Variants in PARP4 observed in about 807,000 individuals in gnomAD.
PARP4 encodes the protein poly(ADP-ribose) polymerase family member 4.
A neutral mutation model predicts 187.7 loss-of-function variants in PARP4; 120 were observed. The ratio of observed to expected loss-of-function variants is 0.64; its 90% confidence interval spans 0.55 to 0.74. PARP4 has a LOEUF of 0.74. Ranked by LOEUF, PARP4 falls within the 30% of genes least tolerant of loss-of-function variation. The pLI, the probability that PARP4 is intolerant of heterozygous loss-of-function variation, is 0.00. For synonymous variants in PARP4, 654 were observed against 740.9 expected, an observed-to-expected ratio of 0.88 and a Z score of 1.90; for missense variants, 1,836 against 2,070.5, an observed-to-expected ratio of 0.89 and a Z score of 2.20.
chr13:24,490,892 C>A, intron 9 of PARP4, 64 bp from the exon 10 acceptor site: 1 of 1,336,172 alleles, frequency 7.5e-7, no homozygotes, highest in Non-Finnish European at 1.0e-6. Context: ...ATTTATATCA[C>A]ATTAACACTT....
intron 32 of PARP4, among the ~76,000 whole-genome samples, chr13:24,426,849 T>C (rs1593582354): frequency 8.1e-6 from 1 of 123,284 alleles, no homozygotes; most frequent in South Asian, 2.7e-4. Context: ...CCGAGATCAC[T>C]CCACTGCACT....
chr13:24,493,719 T>G lies in PARP4; in HGVS notation c.756A>C (p.Glu252Asp). 6.2e-7 allele frequency: 1 copy of G among 1,613,496 alleles called. No homozygotes were observed. Among genetic ancestry groups the G allele is most frequent in the South Asian group, 1.1e-5 (1 of 90,942 alleles). ...SEQLQALLLE[E>D]VMNSSTLSQE... ...GGCTCAGAGTGCTTGAATTCATGAC[T>G]TCCTCCAAAAGCAACTACAATAATA... Residue 252 changes from glutamate to aspartate, a missense_variant, in exon 8 of 34, where the codon GAA (glutamate) becomes GAC (aspartate). Glu to Asp is a conservative substitution (Grantham distance 45). Coordinates refer to ENST00000381989, the MANE Select transcript of PARP4 (RefSeq NM_006437.4).
chr13:24,428,278 C>T (rs1334901119), intron 32 of PARP4, among the ~76,000 whole-genome samples: 4 of 152,168 alleles, frequency 2.6e-5, no homozygotes, highest in African/African-American at 9.7e-5. Flanking sequence ...TCAGGCCGCT[C>T]CTTCTCAGCG....
chr13:24,496,565 G>A (rs9581076), intron 6 of PARP4, among the ~76,000 whole-genome samples: 16,653 of 152,160 alleles, frequency 0.11, 982 homozygotes, highest in African/African-American at 0.12. Context: ...GGCTCTTGTG[G>A]GGTAGGGCTT....
chr13:24,489,437 G>A (rs200170282), intron 10 of PARP4, among the ~76,000 whole-genome samples: 6 of 151,922 alleles, frequency 3.9e-5, no homozygotes, highest in Admixed American at 2.0e-4. Flanking sequence ...GTGAAACCCC[G>A]TCTCTACTAA....
intron 1 of PARP4, among the ~76,000 whole-genome samples, chr13:24,505,977 T>A (rs1251339534): frequency 6.6e-6 from 1 of 152,180 alleles, no homozygotes; most frequent in African/African-American, 2.4e-5. Context: ...CTCCGCCATT[T>A]CCCCTTTGCC....
intron 6 of PARP4, among the ~76,000 whole-genome samples, chr13:24,495,386 G>A (rs1483934425): frequency 6.6e-6 from 1 of 152,144 alleles, no homozygotes; most frequent in Non-Finnish European, 1.5e-5. Context: ...AATCTGGAGG[G>A]GAAGGGGAAG....
At position 24,498,247 on chromosome 13, in the gene PARP4, C is replaced by T. The variant is rs2137539462; in HGVS notation, c.478-18G>A. On this transcript the variant is annotated intron_variant, in intron 5 of 33. Coordinates refer to ENST00000381989, the MANE Select transcript of PARP4 (RefSeq NM_006437.4). The stretch of plus-strand genomic sequence containing the variant: ...ATTCCCACCTGGAAAACAGGATGTG[C>T]TTTCAGAAGCTGCACTCGGGAAACA... 2 of 1,529,120 alleles carry T rather than the reference C, an allele frequency of 1.3e-6. No individual in the cohort carries two copies. The highest frequency in any genetic ancestry group is 1.1e-5 in the South Asian group (1 of 89,272). 94.7% of individuals were successfully genotyped at this position (1,529,120 alleles called of 1,614,324 possible). A position where few individuals can be genotyped will look rare whatever the true frequency, so the allele number is the denominator to read the frequency against.
intron 31 of PARP4, among the ~76,000 whole-genome samples, chr13:24,432,084 T>C (rs1316980693): frequency 6.6e-6 from 1 of 152,248 alleles, no homozygotes; most frequent in African/African-American, 2.4e-5. Flanking sequence ...CATTTTTTAT[T>C]GATACATAAT....
chr13:24,460,175 G>T, intron 17 of PARP4, 39 bp from the exon 18 acceptor site: 1 of 1,573,540 alleles, frequency 6.4e-7, no homozygotes, highest in Non-Finnish European at 8.7e-7. Flanking sequence ...CAACTTGAAA[G>T]CATACCCATT....
At chr13:24,445,834 G>A (rs1403902604) in intron 27 of PARP4, among the ~76,000 whole-genome samples, 2 of 152,144 alleles carry the variant, frequency 1.3e-5, no homozygotes, top group African/African-American at 2.4e-5. Context: ...ACTTGCTACC[G>A]GTGTCTGGAG....
In PARP4 at chr13:24,447,136, G is replaced by T; in HGVS notation, c.3165C>A (p.Ser1055=). The change falls in exon 26 of 34, where the codon TCC becomes TCA. Residue 1055 remains serine, a synonymous_variant. Transcript: ENST00000381989. ...CTGGATTGAGTTGCTGCCATTTGAC[G>T]GAGACAGAGTGGCAACTCGGAGAAC... is the stretch of plus-strand genomic sequence containing the variant. The part of the protein sequence containing the change: ...RLCSPSCHSV[S]VKWQQLNPDV... The T allele has an allele frequency of 6.2e-7, 1 of 1,613,238 alleles. No homozygotes were observed. The highest frequency in any genetic ancestry group is 8.5e-7 in the Non-Finnish European group (1 of 1,179,514).
rs554104605 is a variant in PARP4, at chr13:24,435,958, C to A, written c.3667-484G>T. On this transcript the variant is annotated intron_variant, in intron 30 of 33. Transcript: ENST00000381989. Reference sequence around the variant, plus strand: ...AAAAGAAAGAAAGAAAATAATGCCACCAGAGACATTCAAGATCATTTCAGT... The same window carrying A: ...AAAAGAAAGAAAGAAAATAATGCCAACAGAGACATTCAAGATCATTTCAGT... 3.3e-5 allele frequency among the ~76,000 whole-genome samples: 5 copies of A among 151,236 alleles called. No homozygotes were observed. The South Asian group carries it at 1.1e-3, about 32-fold the overall frequency.
In PARP4 at chr13:24,425,563, GTGTGTGTATATC is replaced by G. The variant is rs1234595616; in HGVS notation, c.4979+891_4979+902del. Among the ~76,000 whole-genome samples, 10 of 106,930 alleles carry G rather than the reference GTGTGTGTATATC, an allele frequency of 9.4e-5. No individual in the cohort carries two copies. The East Asian group carries it at 2.6e-3, about 27-fold the overall frequency. 70.2% of individuals were successfully genotyped at this position (106,930 alleles called of 152,430 possible). A position where few individuals can be genotyped will look rare whatever the true frequency, so the allele number is the denominator to read the frequency against. ...TGTGCATGTGTGTGTGTGTGTGTGT[GTGTGTGTATATC>G]TATATCTATATCTATATCTATATCT... On this transcript the variant is annotated intron_variant, in intron 33 of 33. Transcript: ENST00000381989.
intron 17 of PARP4, among the ~76,000 whole-genome samples, chr13:24,467,589 A>ACTG (rs1388027538): frequency 6.6e-6 from 1 of 152,162 alleles, no homozygotes; most frequent in African/African-American, 2.4e-5. Context: ...GGTATGAGCC[A>ACTG]CTGCACCTGG....
intron 6 of PARP4, among the ~76,000 whole-genome samples, chr13:24,495,746 A>AG (rs1054822541): frequency 3.9e-5 from 6 of 152,210 alleles, no homozygotes; most frequent in Admixed American, 2.6e-4. Flanking sequence ...CCTCCCAGAT[A>AG]GGGGGGCCGC....
At chr13:24,458,820 T>A (rs1325807437) in intron 20 of PARP4, among the ~76,000 whole-genome samples, 1 of 152,148 alleles carries the variant, frequency 6.6e-6, no homozygotes, top group African/African-American at 2.4e-5. Flanking sequence ...GCATTAAAAA[T>A]TAATATTTAA....
rs139965809 is a variant in PARP4 at position 24,494,879 on chromosome 13, C to CTTTTT, written c.592-162_592-158dup. On this transcript the variant is annotated intron_variant, in intron 6 of 33. Coordinates refer to ENST00000381989, the MANE Select transcript of PARP4 (RefSeq NM_006437.4). ...TTTAAATTCTTTTTCTTTTCTTTTT[C>CTTTTT]TTTTTTTTTTGAGACAGGGTCTTGC... Among the ~76,000 whole-genome samples, 25 of 146,536 alleles carry CTTTTT rather than the reference C, an allele frequency of 1.7e-4. 1 individual carries two copies. The highest frequency in any genetic ancestry group is 2.6e-4 in the Non-Finnish European group (17 of 66,458).
intron 18 of PARP4, 94 bp downstream of exon 18, chr13:24,459,878 T>G (rs1872112667): frequency 2.0e-6 from 2 of 977,628 alleles, no homozygotes; most frequent in Admixed American, 2.8e-5. Context: ...TTATTTTACA[T>G]GTTTTTCTCC....
Sources: gnomAD v4.1 joint callset for allele counts (sites outside exome capture counted in the v4.1 genomes callset) on GRCh38, gnomAD v4.1.1 for gene constraint, MANE v1.5 for transcripts, NCBI Gene and HGNC (gene_info 2026-07-23, HGNC 2026-07-21) for gene names.